The following BRINP1 variants were observed in gnomAD, a reference collection of about 807,000 sequenced individuals.
BRINP1 encodes BMP/retinoic acid-inducible neural-specific protein 1.
A neutral mutation model predicts 72.9 loss-of-function variants in BRINP1; 17 were observed. That is an observed-to-expected ratio of 0.23 (90% CI 0.16 to 0.35). The LOEUF is 0.35. Among genes scored for constraint, BRINP1 ranks in the 10% least tolerant of loss-of-function variants. The pLI is 1.00. For missense variants in BRINP1, 850 were observed against 1,001.6 expected, an observed-to-expected ratio of 0.85 and a Z score of 2.04; for synonymous variants, 418 against 378.5, an observed-to-expected ratio of 1.10 and a Z score of -1.21.
chr9:119,227,984 CTT>C (rs1830109577), intron 5 of BRINP1, among the ~76,000 whole-genome samples: 1 of 151,998 alleles, frequency 6.6e-6, no homozygotes, highest in Non-Finnish European at 1.5e-5. Flanking sequence ...TTCTCCTACA[CTT>C]TCTTTTTCTA....
intron 2 of BRINP1, among the ~76,000 whole-genome samples, chr9:119,293,889 G>A (rs1166611827): frequency 1.3e-5 from 2 of 152,088 alleles, no homozygotes; most frequent in Non-Finnish European, 2.9e-5. Flanking sequence ...GCATAGTATT[G>A]GAAGTCTTAG....
intron 1 of BRINP1, among the ~76,000 whole-genome samples, chr9:119,326,381 A>G (rs2119007936): frequency 6.6e-6 from 1 of 152,374 alleles, no homozygotes; most frequent in South Asian, 2.1e-4. Flanking sequence ...ATCATCTTGA[A>G]GCATGAAACT....
At chr9:119,208,482 A>G (rs1829882762) in intron 7 of BRINP1, among the ~76,000 whole-genome samples, 1 of 152,208 alleles carries the variant, frequency 6.6e-6, no homozygotes, top group Non-Finnish European at 1.5e-5. Context: ...TGAATCAGAC[A>G]GAACACAGAG....
At chr9:119,218,985 T>G (rs1830010512) in intron 5 of BRINP1, among the ~76,000 whole-genome samples, 1 of 152,022 alleles carries the variant, frequency 6.6e-6, no homozygotes, top group Non-Finnish European at 1.5e-5. Flanking sequence ...GGTGGTGCCC[T>G]TGTGATGGGA....
At chr9:119,325,022 CCAG>C (rs1564248642) in intron 1 of BRINP1, among the ~76,000 whole-genome samples, 5 of 151,896 alleles carry the variant, frequency 3.3e-5, no homozygotes, top group Non-Finnish European at 7.4e-5. Flanking sequence ...ATTGCTTGAA[CCAG>C]GGAGGCGAAA....
chr9:119,210,615 T>C (rs1051911119), intron 6 of BRINP1, among the ~76,000 whole-genome samples: 1 of 151,950 alleles, frequency 6.6e-6, no homozygotes, highest in African/African-American at 2.4e-5. Flanking sequence ...TCTCGACACA[T>C]AAAAAGGGCA....
intron 4 of BRINP1, among the ~76,000 whole-genome samples, chr9:119,238,981 C>T (rs1830219501): frequency 6.6e-6 from 1 of 152,166 alleles, no homozygotes; most frequent in Non-Finnish European, 1.5e-5. Flanking sequence ...CATGCCTGTT[C>T]CTACCACTGG....
At chr9:119,337,149 G>A (rs902242336) in intron 1 of BRINP1, among the ~76,000 whole-genome samples, 6 of 152,298 alleles carry the variant, frequency 3.9e-5, no homozygotes, top group African/African-American at 1.2e-4. Context: ...AATGTTTGAT[G>A]AGAAAATAAA....
chr9:119,315,337 A>T (rs996586020), intron 1 of BRINP1, among the ~76,000 whole-genome samples: 2 of 151,888 alleles, frequency 1.3e-5, no homozygotes, highest in Admixed American at 1.3e-4. Flanking sequence ...ACACTTTTTT[A>T]TTATTATTGT....
intron 4 of BRINP1, among the ~76,000 whole-genome samples, chr9:119,239,724 C>T (rs1172093519): frequency 6.6e-6 from 1 of 152,138 alleles, no homozygotes; most frequent in Non-Finnish European, 1.5e-5. Context: ...TGCTATTAGT[C>T]ACCAAAATAG....
At chr9:119,268,725 T>C (rs1830578893) in intron 2 of BRINP1, among the ~76,000 whole-genome samples, 1 of 152,216 alleles carries the variant, frequency 6.6e-6, no homozygotes, top group South Asian at 2.1e-4. Context: ...CAAACTCCAG[T>C]AGGACAAGGA....
intron 7 of BRINP1, among the ~76,000 whole-genome samples, chr9:119,196,071 A>T (rs1287604663): frequency 1.3e-5 from 2 of 152,180 alleles, no homozygotes; most frequent in Non-Finnish European, 2.9e-5. Context: ...CCTCCTTTTC[A>T]AAGTCCTATA....
At chr9:119,288,341 T>G (rs997270338) in intron 2 of BRINP1, among the ~76,000 whole-genome samples, 1 of 140,200 alleles carries the variant, frequency 7.1e-6, no homozygotes, top group African/African-American at 2.4e-5. Context: ...ACTTATTTTT[T>G]CTTTTTAAAT....
At chr9:119,176,776 C>G (rs1004610016) in intron 7 of BRINP1, among the ~76,000 whole-genome samples, 4 of 152,124 alleles carry the variant, frequency 2.6e-5, no homozygotes, top group African/African-American at 9.7e-5. Flanking sequence ...CACTATCGCT[C>G]TGGAGTTTGA....
intron 1 of BRINP1, among the ~76,000 whole-genome samples, chr9:119,320,530 G>A (rs1263186213): frequency 6.6e-6 from 1 of 152,174 alleles, no homozygotes; most frequent in African/African-American, 2.4e-5. Flanking sequence ...TGTGGTGAGT[G>A]CGAAGTGCTC....
chr9:119,307,431 ATC>A (rs1587955312), intron 2 of BRINP1, among the ~76,000 whole-genome samples: 1 of 152,160 alleles, frequency 6.6e-6, no homozygotes. Flanking sequence ...AGGTTTGTAT[ATC>A]TATACCACAG....
At chr9:119,335,722 C>T (rs1357252597) in intron 1 of BRINP1, among the ~76,000 whole-genome samples, 2 of 152,184 alleles carry the variant, frequency 1.3e-5, no homozygotes, top group Non-Finnish European at 2.9e-5. Flanking sequence ...ACTTAATGGA[C>T]ACCTTTCAAG....
At chr9:119,199,769 G>A (rs1490431519) in intron 7 of BRINP1, among the ~76,000 whole-genome samples, 2 of 150,360 alleles carry the variant, frequency 1.3e-5, no homozygotes, top group Non-Finnish European at 3.0e-5. Context: ...TCATTTCATT[G>A]AATTGAATAG....
chr9:119,263,602 T>TTTTA (rs2118939082), intron 2 of BRINP1, among the ~76,000 whole-genome samples: 1 of 14,036 alleles, frequency 7.1e-5, no homozygotes, highest in African/African-American at 1.6e-4. Context: ...TAAACAATTC[T>TTTTA]TTTTTTTTTT....
Sources: gnomAD v4.1 joint callset for allele counts (sites outside exome capture counted in the v4.1 genomes callset) on GRCh38, gnomAD v4.1.1 for gene constraint, MANE v1.5 for transcripts, NCBI Gene and HGNC (gene_info 2026-07-23, HGNC 2026-07-21) for gene names.